NTRK2: variants seen among roughly 807,000 people sequenced by gnomAD.
NTRK2 encodes BDNF/NT-3 growth factors receptor.
In NTRK2, 13 loss-of-function variants were observed where a neutral mutation model predicts 94.5. That is an observed-to-expected ratio of 0.14 (90% CI 0.09 to 0.22). NTRK2 has a LOEUF of 0.22. NTRK2 is among the 10% of genes least tolerant of loss of function. The pLI is 1.00. For synonymous variants in NTRK2, 372 were observed against 407.4 expected, an observed-to-expected ratio of 0.91 and a Z score of 1.05; for missense variants, 639 against 1,071.2, an observed-to-expected ratio of 0.60 and a Z score of 5.63.
chr9:84,909,145 TA>T (rs1382644627), intron 14 of NTRK2, among the ~76,000 whole-genome samples: 3 of 152,184 alleles, frequency 2.0e-5, no homozygotes, highest in African/African-American at 7.2e-5. Flanking sequence ...AAGTTTATCA[TA>T]ATGTTATATA....
At chr9:84,909,312 A>C (rs774520640) in intron 14 of NTRK2, among the ~76,000 whole-genome samples, 1 of 152,092 alleles carries the variant, frequency 6.6e-6, no homozygotes, top group Non-Finnish European at 1.5e-5. Context: ...AGTTTGTTTA[A>C]CCATACGCCT....
intron 14 of NTRK2, 60 bp from the exon 15 acceptor site, chr9:84,934,102 C>T (rs2132716253): frequency 6.2e-7 from 1 of 1,604,434 alleles, no homozygotes; most frequent in Non-Finnish European, 8.5e-7. Context: ...CAACTCTTCA[C>T]CCGCTGCCTT....
chr9:84,718,714 A>G (rs2061870463), intron 6 of NTRK2, among the ~76,000 whole-genome samples: 1 of 152,180 alleles, frequency 6.6e-6, no homozygotes, highest in Non-Finnish European at 1.5e-5. Flanking sequence ...TTTGCTGTGT[A>G]CTTGTGCTGA....
chr9:84,906,821 G>A (rs748946595), intron 14 of NTRK2, among the ~76,000 whole-genome samples: 24 of 152,262 alleles, frequency 1.6e-4, no homozygotes, highest in South Asian at 8.3e-4. Context: ...GCCTGTCGAT[G>A]GACAGCTTTG....
Position 85,022,395 on chromosome 9 carries a change from G to A in NTRK2, c.*958G>A, listed in dbSNP as rs199720085. The A allele has an allele frequency of 9.4e-5, 22 of 233,058 alleles. No individual in the cohort carries two copies. The highest frequency in any genetic ancestry group is 1.2e-3 in the Middle Eastern group (1 of 808). 14.4% of individuals were successfully genotyped at this position (233,058 alleles called of 1,614,324 possible). On this transcript the variant is annotated 3_prime_UTR_variant, in exon 19 of 19. Coordinates refer to ENST00000277120, the MANE Select transcript of NTRK2 (RefSeq NM_006180.6). The stretch of plus-strand genomic sequence containing the variant: ...CTTCGTAGGTTGTGATGATAGCACT[G>A]GTTTGTTTCTCAAGCGCTATCCACA...
At chr9:84,916,798 A>G (rs1397912077) in intron 14 of NTRK2, among the ~76,000 whole-genome samples, 2 of 152,370 alleles carry the variant, frequency 1.3e-5, no homozygotes, top group Middle Eastern at 3.4e-3. Flanking sequence ...TAGCTGATCT[A>G]TATTGTTAAT....
intron 12 of NTRK2, chr9:84,813,370 G>A (rs2072027006): frequency 3.8e-6 from 4 of 1,048,094 alleles, no homozygotes; most frequent in Non-Finnish European, 4.6e-6. Flanking sequence ...TAAAAAGTTG[G>A]CTCAATTATT....
chr9:85,013,841 T>A (rs1401189347), intron 17 of NTRK2, among the ~76,000 whole-genome samples: 1 of 152,206 alleles, frequency 6.6e-6, no homozygotes, highest in East Asian at 1.9e-4. Flanking sequence ...CTAGGATGTT[T>A]GGCTTCCAAA....
At chr9:84,874,745 C>G (rs186242787) in intron 14 of NTRK2, 2 of 1,060,490 alleles carry the variant, frequency 1.9e-6, no homozygotes, top group East Asian at 5.1e-5. Context: ...GAGAGCAGCC[C>G]GAGGAGGAGA....
At chr9:84,808,087 G>A (rs1040708402) in intron 12 of NTRK2, among the ~76,000 whole-genome samples, 3 of 152,150 alleles carry the variant, frequency 2.0e-5, no homozygotes, top group Admixed American at 6.5e-5. Context: ...TGGGAAGGAT[G>A]GATCACAAAA....
intron 12 of NTRK2, among the ~76,000 whole-genome samples, chr9:84,824,669 GCAGA>G (rs1336668863): frequency 6.6e-6 from 1 of 152,184 alleles, no homozygotes; most frequent in Non-Finnish European, 1.5e-5. Context: ...TCCCTGAGAT[GCAGA>G]CAGTGTTTCT....
intron 14 of NTRK2, among the ~76,000 whole-genome samples, chr9:84,919,295 G>A (rs1040392757): frequency 2.6e-5 from 4 of 152,118 alleles, no homozygotes; most frequent in African/African-American, 4.8e-5. Flanking sequence ...ACTCTAGTAG[G>A]CAAATGCTTG....
At chr9:84,812,393 G>T in intron 12 of NTRK2, 4 of 1,057,672 alleles carry the variant, frequency 3.8e-6, no homozygotes, top group Non-Finnish European at 4.6e-6. Flanking sequence ...CATGCCGCCA[G>T]TTCTCAAGTT....
rs563734025 is a variant in NTRK2, at chr9:84,893,351, C to G, written c.1633+25920C>G. Among the ~76,000 whole-genome samples the G allele has an allele frequency of 2.0e-5, 3 of 152,254 alleles. No individual in the cohort carries two copies. The South Asian group carries it at 6.2e-4, about 32-fold the overall frequency. On this transcript the variant is annotated intron_variant, in intron 14 of 18. Transcript: ENST00000277120. ...AAAATCTGAAATCATGTAAGTGCAC[C>G]TCTTTGTGCTGGATCCAGAGGCAGC...
intron 17 of NTRK2, among the ~76,000 whole-genome samples, chr9:84,998,880 G>A (rs1197328103): frequency 6.6e-6 from 1 of 152,206 alleles, no homozygotes; most frequent in Non-Finnish European, 1.5e-5. Flanking sequence ...TTCTAGTGAA[G>A]TACCAATGTG....
chr9:85,015,847 C>G (rs1343079308), intron 17 of NTRK2, among the ~76,000 whole-genome samples: 1 of 152,168 alleles, frequency 6.6e-6, no homozygotes, highest in African/African-American at 2.4e-5. Flanking sequence ...AGGAAGCCAC[C>G]TAAGCTTGCT....
intron 12 of NTRK2, among the ~76,000 whole-genome samples, chr9:84,831,311 T>C (rs1456629409): frequency 6.6e-5 from 10 of 152,204 alleles, no homozygotes; most frequent in Non-Finnish European, 1.5e-4. Flanking sequence ...AAATGCCCAT[T>C]TGTTAGCAAC....
chr9:84,783,750 G>T (rs746999166), intron 12 of NTRK2, among the ~76,000 whole-genome samples: 2 of 152,042 alleles, frequency 1.3e-5, no homozygotes, highest in Non-Finnish European at 1.5e-5. Flanking sequence ...TCATACATTT[G>T]CTAGGAGTCT....
intron 14 of NTRK2, among the ~76,000 whole-genome samples, chr9:84,883,734 T>C (rs953348190): frequency 6.6e-6 from 1 of 152,186 alleles, no homozygotes; most frequent in Admixed American, 6.5e-5. Flanking sequence ...TTGAAAAGGA[T>C]TGGCAATTTT....
Sources: allele counts gnomAD v4.1 joint callset (sites outside exome capture counted in the v4.1 genomes callset), GRCh38; gene constraint gnomAD v4.1.1; transcripts MANE v1.5; gene names NCBI Gene and HGNC (gene_info 2026-07-23, HGNC 2026-07-21).